The following ADGRB3 variants were observed in gnomAD, a reference collection of about 807,000 sequenced individuals.
ADGRB3 encodes adhesion G protein-coupled receptor B3.
In ADGRB3, 37 loss-of-function variants were observed where a neutral mutation model predicts 193.4. That is an observed-to-expected ratio of 0.19 (90% CI 0.15 to 0.25). The LOEUF is 0.25. Among genes scored for constraint, ADGRB3 ranks in the 10% least tolerant of loss-of-function variants. ADGRB3 has a pLI of 1.00. For synonymous variants in ADGRB3, 690 were observed against 644.2 expected (o/e 1.07, Z -1.08); for missense variants, 1,637 against 1,852.9 (o/e 0.88, Z 2.14).
chr6:68,975,466 G>C (rs936027625), intron 10 of ADGRB3, 126 bp downstream of exon 10: 1 of 690,768 alleles, frequency 1.4e-6, no homozygotes, highest in Non-Finnish European at 2.3e-6. Context: ...GCCTGAAGGA[G>C]AAAGCAATGT....
At chr6:69,151,856 C>A (rs1031645269) in intron 17 of ADGRB3, among the ~76,000 whole-genome samples, 19 of 152,172 alleles carry the variant, frequency 1.2e-4, no homozygotes, top group African/African-American at 4.6e-4. Context: ...ATGGGAGGGA[C>A]CCAGTGGGAG....
intron 3 of ADGRB3, among the ~76,000 whole-genome samples, chr6:68,744,483 A>G (rs538714230): frequency 1.3e-5 from 2 of 152,330 alleles, no homozygotes; most frequent in South Asian, 4.1e-4. Flanking sequence ...ACTTGGAACC[A>G]GACCAAAAGC....
chr6:68,851,859 TA>T (rs1768409419), intron 3 of ADGRB3, among the ~76,000 whole-genome samples: 1 of 151,780 alleles, frequency 6.6e-6, no homozygotes, highest in Admixed American at 6.6e-5. Flanking sequence ...GGAGGATAAA[TA>T]AAAGTTACAC....
chr6:69,166,954 A>C (rs1056617644), intron 17 of ADGRB3, among the ~76,000 whole-genome samples: 4 of 152,084 alleles, frequency 2.6e-5, no homozygotes, highest in Admixed American at 6.6e-5. Flanking sequence ...ATGTTTGATG[A>C]TGTTCAAGTT....
At chr6:69,027,772 A>G (rs1770480596) in intron 13 of ADGRB3, among the ~76,000 whole-genome samples, 1 of 152,176 alleles carries the variant, frequency 6.6e-6, no homozygotes, top group South Asian at 2.1e-4. Context: ...TGCTGAAGAT[A>G]TTTTAGTTGT....
intron 17 of ADGRB3, among the ~76,000 whole-genome samples, chr6:69,116,353 G>A (rs192726269): frequency 7.2e-5 from 11 of 152,102 alleles, no homozygotes; most frequent in Middle Eastern, 3.4e-3. Flanking sequence ...TAAACACTGC[G>A]CCCACACACA....
intron 17 of ADGRB3, among the ~76,000 whole-genome samples, chr6:69,192,082 T>C (rs1397072202): frequency 6.6e-6 from 1 of 152,072 alleles, no homozygotes; most frequent in East Asian, 1.9e-4. Context: ...ACTAATAGGA[T>C]GGAAGTATAT....
chr6:69,297,408 C>CTATATA lies in ADGRB3; in HGVS notation c.2815-27463_2815-27462insATATAT, dbSNP rs1285722019. Among the ~76,000 whole-genome samples the CTATATA allele has an allele frequency of 2.9e-4, 41 of 141,620 alleles. 1 individual carries two copies. Among genetic ancestry groups the CTATATA allele is most frequent in the Admixed American group, 5.7e-4 (8 of 14,028 alleles). 92.9% of individuals were successfully genotyped at this position (141,620 alleles called of 152,430 possible). ...TCTCTCTCTATCTCTCTCTCTCTCTCTCTATATATATATATATATGCTTTG... is the reference window on the plus strand; with the variant it reads ...TCTCTCTCTATCTCTCTCTCTCTCTCTATATATCTATATATATATATATATGCTTTG... On this transcript the variant is annotated intron_variant, in intron 20 of 31. Coordinates refer to ENST00000370598, the MANE Select transcript of ADGRB3 (RefSeq NM_001704.3).
chr6:68,940,311 G>A (rs1167039446), intron 5 of ADGRB3, among the ~76,000 whole-genome samples: 1 of 151,964 alleles, frequency 6.6e-6, no homozygotes, highest in Non-Finnish European at 1.5e-5. Context: ...ATAAGTCTTT[G>A]TTGGGGGAGT....
chr6:68,763,722 T>A (rs1325770933), intron 3 of ADGRB3, among the ~76,000 whole-genome samples: 1 of 152,198 alleles, frequency 6.6e-6, no homozygotes, highest in Non-Finnish European at 1.5e-5. Context: ...TTAGAAGAGT[T>A]GCTATTTTTC....
chr6:68,639,332 G>A lies in ADGRB3; in HGVS notation c.657G>A (p.Val219=). 2 of 1,614,094 alleles carry A rather than the reference G, an allele frequency of 1.2e-6. No individual in the cohort carries two copies. Among genetic ancestry groups the A allele is most frequent in the South Asian group, 1.1e-5 (1 of 91,082 alleles). The change falls in exon 3 of 32, where the codon GTG becomes GTA. Residue 219 remains valine (V), a synonymous_variant. Transcript: ENST00000370598. ...DQSLILLNNV[V]LPLNEQTEGC... is the part of the protein sequence containing the mutation. ...CGCTGATTTTGTTAAATAACGTGGTGTTACCCCTGAATGAGCAGACAGAGG... is the reference window on the plus strand; with the variant it reads ...CGCTGATTTTGTTAAATAACGTGGTATTACCCCTGAATGAGCAGACAGAGG...
intron 6 of ADGRB3, among the ~76,000 whole-genome samples, chr6:68,948,423 A>G (rs1767829752): frequency 6.6e-6 from 1 of 152,102 alleles, no homozygotes; most frequent in Non-Finnish European, 1.5e-5. Context: ...TTAACAGGAG[A>G]AAAGTGTCGC....
chr6:69,331,763 A>G (rs1768735768), intron 23 of ADGRB3: 3 of 985,294 alleles, frequency 3.0e-6, no homozygotes, highest in Non-Finnish European at 3.6e-6. Context: ...TATATAATTG[A>G]AACACCAAAG....
chr6:68,675,436 G>T (rs550722458), intron 3 of ADGRB3, among the ~76,000 whole-genome samples: 1 of 152,112 alleles, frequency 6.6e-6, no homozygotes, highest in South Asian at 2.1e-4. Flanking sequence ...ATTATAACTG[G>T]ACTTAAAATT....
At chr6:69,040,698 AAAAAAAAAAAAC>A (rs1771035426) in intron 13 of ADGRB3, among the ~76,000 whole-genome samples, 4 of 145,168 alleles carry the variant, frequency 2.8e-5, no homozygotes, top group African/African-American at 5.2e-5. Context: ...AAAAAAAAAA[AAAAAAAAAAAAC>A]AAACAAGAAT....
intron 3 of ADGRB3, among the ~76,000 whole-genome samples, chr6:68,905,630 C>T (rs1168332219): frequency 6.6e-6 from 1 of 152,114 alleles, no homozygotes; most frequent in Admixed American, 6.6e-5. Flanking sequence ...GCAGGCTGGT[C>T]CATGACCTCC....
Position 69,065,762 on chromosome 6 carries a change from T to TACACACACAC in ADGRB3, c.2436+2727_2436+2728insCACACACACA, listed in dbSNP as rs1307673486. Among the ~76,000 whole-genome samples, 548 of 124,740 alleles carry TACACACACAC rather than the reference T, an allele frequency of 4.4e-3. 5 individuals are homozygous for TACACACACAC. Among genetic ancestry groups the TACACACACAC allele is most frequent in the African/African-American group, 0.011 (390 of 35,248 alleles). 81.8% of individuals were successfully genotyped at this position (124,740 alleles called of 152,430 possible). On this transcript the variant is annotated intron_variant, in intron 16 of 31. Transcript: ENST00000370598. ...AACAAGCCTGAACTTCATGTATATA[T>TACACACACAC]ATACACACACACACACACACACACA...
Position 69,210,171 on chromosome 6 carries a change from A to ATATATATATATATATAT in ADGRB3, c.2481-23119_2481-23118insTATATATATATATATAT, listed in dbSNP as rs1561953604. Among the ~76,000 whole-genome samples, 18 of 39,378 alleles carry ATATATATATATATATAT rather than the reference A, an allele frequency of 4.6e-4. 2 individuals are homozygous for ATATATATATATATATAT. Among genetic ancestry groups the ATATATATATATATATAT allele is most frequent in the African/African-American group, 3.3e-3 (18 of 5,514 alleles). The allele number at this position is 39,378 out of a possible 152,430, so 25.8% of individuals were successfully genotyped here. A position where few individuals can be genotyped will look rare whatever the true frequency, so the allele number is the denominator to read the frequency against. The stretch of plus-strand genomic sequence containing the variant: ...TATCATATATATATATATATATATA[A>ATATATATATATATATAT]AGGGGAGTTTATTAAATATTAACTC... On this transcript the variant is annotated intron_variant, in intron 17 of 31. Coordinates refer to ENST00000370598, the MANE Select transcript of ADGRB3 (RefSeq NM_001704.3).
Position 69,303,678 on chromosome 6 carries a change from A to T in ADGRB3, c.2815-21194A>T, listed in dbSNP as rs563816018. On this transcript the variant is annotated intron_variant, in intron 20 of 31. Transcript: ENST00000370598. ...GCCTAATCTGAAACTTAAAAAAAAA[A>T]TTTTTTGCTCATTTTTACTCTATGT... 8.9e-3 allele frequency among the ~76,000 whole-genome samples: 1,351 copies of T among 151,928 alleles called. 17 individuals carry two copies. Among genetic ancestry groups the T allele is most frequent in the African/African-American group, 0.026 (1,067 of 41,482 alleles).
Sources: allele counts gnomAD v4.1 joint callset (sites outside exome capture counted in the v4.1 genomes callset), GRCh38; gene constraint gnomAD v4.1.1; transcripts MANE v1.5; gene names NCBI Gene and HGNC (gene_info 2026-07-23, HGNC 2026-07-21).